The following LEPR variants were observed in gnomAD, a reference collection of about 807,000 sequenced individuals.
LEPR encodes OB receptor.
Under a neutral mutation model 114.7 loss-of-function variants are expected in LEPR, and 56 were observed. The observed-to-expected ratio is 0.49, with a 90% CI of 0.39 to 0.61. The LOEUF (loss-of-function observed/expected upper bound fraction) is 0.61. Ranked by LOEUF, LEPR falls within the 20% of genes least tolerant of loss-of-function variation. LEPR has a pLI of 0.00. For missense variants in LEPR, 1,202 were observed against 1,352.9 expected (o/e 0.89, Z 1.75); for synonymous variants, 443 against 461.4 (o/e 0.96, Z 0.51).
At chr1:65,435,822 T>G (rs1434301818) in intron 2 of LEPR, 2 of 982,944 alleles carry the variant, frequency 2.0e-6, no homozygotes, top group Non-Finnish European at 1.2e-6. Context: ...GCATTTTAAT[T>G]TAATTCTCCT....
chr1:65,606,412 G>A (rs373212384), intron 11 of LEPR, among the ~76,000 whole-genome samples: 10 of 152,158 alleles, frequency 6.6e-5, no homozygotes, highest in East Asian at 5.8e-4. Context: ...CTAAAATAAC[G>A]AGTTTAGGTT....
chr1:65,519,155 T>TTCCTTC (rs1557636790), intron 2 of LEPR, among the ~76,000 whole-genome samples: 5 of 114,188 alleles, frequency 4.4e-5, no homozygotes, highest in African/African-American at 1.6e-4. Flanking sequence ...TTCCTTCCTT[T>TTCCTTC]CCTTCCTTCC....
intron 2 of LEPR, among the ~76,000 whole-genome samples, chr1:65,484,782 T>G (rs1647401385): frequency 6.6e-6 from 1 of 152,208 alleles, no homozygotes; most frequent in Non-Finnish European, 1.5e-5. Flanking sequence ...TAGGTCAATT[T>G]CAGAGCAAAC....
chr1:65,463,114 T>G (rs576510403), intron 2 of LEPR, among the ~76,000 whole-genome samples: 1 of 152,316 alleles, frequency 6.6e-6, no homozygotes, highest in Admixed American at 6.5e-5. Context: ...TCTTCTAGGG[T>G]TTTTATGGTG....
Position 65,636,221 on chromosome 1 carries a change from C to G in LEPR, c.2704C>G (p.His902Asp). The G allele has an allele frequency of 6.2e-7, 1 of 1,613,930 alleles. No homozygotes were observed. Among genetic ancestry groups the G allele is most frequent in the African/African-American group, 1.3e-5 (1 of 75,038 alleles). The change falls in exon 20 of 20, where the codon CAT becomes GAT. Residue 902 changes from histidine to aspartate, a missense_variant. His to Asp is a moderately conservative substitution (Grantham distance 81). Coordinates refer to ENST00000349533, the MANE Select transcript of LEPR (RefSeq NM_002303.6). The stretch of plus-strand genomic sequence containing the variant: ...AACGTTTGAGCATCTTTTTATCAAG[C>G]ATACAGCATCAGTGACATGTGGTCC... ...PETFEHLFIKHTASVTCGPLL... is the reference protein window; with the variant it reads ...PETFEHLFIKDTASVTCGPLL...
At chr1:65,458,015 A>G (rs975906745) in intron 2 of LEPR, among the ~76,000 whole-genome samples, 1 of 152,208 alleles carries the variant, frequency 6.6e-6, no homozygotes, top group Admixed American at 6.5e-5. Context: ...TGAGGCCTAT[A>G]AAACTTACAT....
In LEPR at chr1:65,598,747, C is replaced by T. The variant is rs1243100761; in HGVS notation, c.937C>T (p.Leu313=). The T allele has an allele frequency of 4.0e-5, 64 of 1,613,380 alleles. No individual in the cohort carries two copies. Among genetic ancestry groups the T allele is most frequent in the Non-Finnish European group, 5.2e-5 (61 of 1,179,600 alleles). The part of the protein sequence containing the change: ...SYEVQVRGKR[L]DGPGIWSDWS... ...TGAGGTTCAGGTGAGGGGCAAGAGA[C>T]TGGATGGCCCAGGAATCTGGAGTGA... The change falls in exon 8 of 20, where the codon CTG becomes TTG. Residue 313 remains leucine (L), a synonymous_variant. Coordinates refer to ENST00000349533, the MANE Select transcript of LEPR (RefSeq NM_002303.6).
intron 2 of LEPR, among the ~76,000 whole-genome samples, chr1:65,443,379 C>A (rs770069508): frequency 1.8e-4 from 27 of 151,860 alleles, no homozygotes; most frequent in Non-Finnish European, 3.8e-4. Flanking sequence ...CATAGCAAGA[C>A]CCTGTCTCTG....
rs543311164 is a variant in LEPR at position 65,605,561 on chromosome 1, TG to T, written c.1603+325del. 2.3e-4 allele frequency among the ~76,000 whole-genome samples: 35 copies of T among 152,308 alleles called. No homozygotes were observed. The Middle Eastern group carries it at 0.01, about 44-fold the overall frequency. On this transcript the variant is annotated intron_variant, in intron 11 of 19. Transcript: ENST00000349533. ...TTATGTTTTTGTTCCAATGTAGTTA[TG>T]AAAACATGTAATATTTGTAATCCAA...
intron 2 of LEPR, among the ~76,000 whole-genome samples, chr1:65,520,867 C>G (rs1623037): frequency 0.25 from 38,398 of 152,208 alleles, 6,110 homozygotes; most frequent in African/African-American, 0.44. Context: ...CCTTAAGGCA[C>G]AGATCGCTCA....
At chr1:65,611,816 G>A (rs1279328128) in intron 14 of LEPR, among the ~76,000 whole-genome samples, 1 of 152,196 alleles carries the variant, frequency 6.6e-6, no homozygotes, top group Non-Finnish European at 1.5e-5. Context: ...CACTTGAAAT[G>A]TGCCTAGTGT....
chr1:65,460,465 C>G (rs1419884056), intron 2 of LEPR, among the ~76,000 whole-genome samples: 1 of 152,142 alleles, frequency 6.6e-6, no homozygotes, highest in Non-Finnish European at 1.5e-5. Flanking sequence ...GGATCTGGCT[C>G]TCTACTGTGT....
intron 2 of LEPR, among the ~76,000 whole-genome samples, chr1:65,449,024 G>C (rs1401692419): frequency 1.3e-5 from 2 of 152,142 alleles, no homozygotes; most frequent in Non-Finnish European, 2.9e-5. Flanking sequence ...CTCCCCAGTA[G>C]CTGGGATTAC....
intron 2 of LEPR, among the ~76,000 whole-genome samples, chr1:65,426,446 G>A (rs548029126): frequency 2.4e-4 from 37 of 152,150 alleles, no homozygotes; most frequent in Non-Finnish European, 4.4e-4. Context: ...GGAGGAGGGG[G>A]TTATGTTAAA....
Position 65,572,392 on chromosome 1 carries a change from CATT to C in LEPR, c.441_443del (p.Leu147del). 1 of 1,503,926 alleles carries C rather than the reference CATT, an allele frequency of 6.6e-7. No homozygotes were observed. Among genetic ancestry groups the C allele is most frequent in the Non-Finnish European group, 9.0e-7 (1 of 1,113,290 alleles). The allele number at this position is 1,503,926 out of a possible 1,614,324, so 93.2% of individuals were successfully genotyped here. ...AAATTATTCATCTGTTATGTGGAGT[CATT>C]ATTTAAGAATCTATTCAGGAATTAT... is the stretch of plus-strand genomic sequence containing the variant. On this transcript the variant is annotated inframe_deletion, in exon 5 of 20. Coordinates refer to ENST00000349533, the MANE Select transcript of LEPR (RefSeq NM_002303.6).
At chr1:65,483,849 C>A (rs1020361512) in intron 2 of LEPR, among the ~76,000 whole-genome samples, 2 of 151,998 alleles carry the variant, frequency 1.3e-5, no homozygotes, top group Admixed American at 6.6e-5. Flanking sequence ...AAAGTGACCA[C>A]CCATCCTACT....
intron 2 of LEPR, among the ~76,000 whole-genome samples, chr1:65,465,806 T>C (rs993182796): frequency 6.6e-5 from 10 of 152,208 alleles, no homozygotes; most frequent in Admixed American, 6.5e-5. Context: ...TTTTGTTCTT[T>C]GTTGGTTTAA....
At chr1:65,625,781 G>A (rs1299728135) in intron 19 of LEPR, among the ~76,000 whole-genome samples, 1 of 152,068 alleles carries the variant, frequency 6.6e-6, no homozygotes, top group Non-Finnish European at 1.5e-5. Context: ...TAAGTCATGT[G>A]GAAGGCAGTA....
intron 2 of LEPR, among the ~76,000 whole-genome samples, chr1:65,546,461 G>C (rs1269556438): frequency 2.6e-5 from 4 of 152,024 alleles, no homozygotes; most frequent in Non-Finnish European, 5.9e-5. Flanking sequence ...TCTTCCATTT[G>C]TTTGTATCCT....
Sources: allele counts gnomAD v4.1 joint callset (sites outside exome capture counted in the v4.1 genomes callset), GRCh38; gene constraint gnomAD v4.1.1; transcripts MANE v1.5; gene names NCBI Gene and HGNC (gene_info 2026-07-23, HGNC 2026-07-21).